Variants in NOX4 observed in about 807,000 individuals in gnomAD.
The protein encoded by NOX4 is kidney oxidase-1.
In NOX4, 69 loss-of-function variants were observed where a neutral mutation model predicts 87.6. That is an observed-to-expected ratio of 0.79 (90% CI 0.65 to 0.96). NOX4 has a LOEUF of 0.96. Among genes scored for constraint, NOX4 ranks in the 40% least tolerant of loss-of-function variants. The probability of loss-of-function intolerance (pLI) is 0.00; values close to 1 mark genes in which losing one functional copy is unlikely to be tolerated. For missense variants in NOX4, 680 were observed against 681.5 expected, an observed-to-expected ratio of 1.00 and a Z score of 0.02; for synonymous variants, 275 against 238.2, an observed-to-expected ratio of 1.15 and a Z score of -1.42.
chr11:89,478,912 C>CTTTGTTTTT (rs1946277038), intron 2 of NOX4, among the ~76,000 whole-genome samples: 2 of 151,532 alleles, frequency 1.3e-5, no homozygotes, highest in Admixed American at 1.3e-4. Context: ...TCACTTGAGC[C>CTTTGTTTTT]AAGGAGTTTA....
At chr11:89,533,430 C>A in the NOX4 span, among the ~76,000 whole-genome samples, 2 of 151,358 alleles carry the variant, frequency 1.3e-5, no homozygotes, top group African/African-American at 4.9e-5. Context: ...ACAGCACAAG[C>A]CAGATGTAAT....
the NOX4 span, among the ~76,000 whole-genome samples, chr11:89,571,828 TC>T: frequency 6.6e-6 from 1 of 151,992 alleles, no homozygotes; most frequent in African/African-American, 2.4e-5. Flanking sequence ...GCTACATACC[TC>T]CCCCACAGGG....
At position 89,326,799 on chromosome 11, in the gene NOX4, G is replaced by C; in HGVS notation, c.1694C>G (p.Ser565Ter). ...ATTGTATTCAAATCTTGTCCCATAT[G>C]AGTTGTTCTGGTTACTCAGTTTATG... ...TLHKLSNQNN[S>*]YGTRFEYNKE... The change falls in exon 18 of 18, where the codon TCA (serine) becomes TGA (stop). Residue 565 changes from serine (S) to a stop codon, truncating the protein, a stop_gained. Coordinates refer to ENST00000263317, the MANE Select transcript of NOX4 (RefSeq NM_016931.5). LOFTEE classifies it high-confidence loss of function. 6.2e-7 allele frequency: 1 copy of C among 1,613,264 alleles called. No individual in the cohort carries two copies. The highest frequency in any genetic ancestry group is 8.5e-7 in the Non-Finnish European group (1 of 1,179,412).
chr11:89,446,247 C>A (rs1944697359), intron 4 of NOX4, among the ~76,000 whole-genome samples: 1 of 152,108 alleles, frequency 6.6e-6, no homozygotes, highest in African/African-American at 2.4e-5. Flanking sequence ...CAGAAACTGT[C>A]ATTCATTGCA....
At chr11:89,535,809 G>A in the NOX4 span, among the ~76,000 whole-genome samples, 2 of 152,072 alleles carry the variant, frequency 1.3e-5, no homozygotes, top group Admixed American at 6.5e-5. Context: ...TAGCCACACT[G>A]TCATAATATA....
At chr11:89,338,689 G>A (rs1945833967) in intron 15 of NOX4, among the ~76,000 whole-genome samples, 1 of 151,964 alleles carries the variant, frequency 6.6e-6, no homozygotes. Context: ...AGGACACCAA[G>A]CATACTGCTG....
chr11:89,386,365 A>G (rs185806311), intron 11 of NOX4, among the ~76,000 whole-genome samples: 101 of 152,282 alleles, frequency 6.6e-4, no homozygotes, highest in African/African-American at 2.4e-3. Context: ...CCTTCAAACC[A>G]TCATAACTGA....
chr11:89,568,628 TGC>T, the NOX4 span, among the ~76,000 whole-genome samples: 1 of 152,336 alleles, frequency 6.6e-6, no homozygotes, highest in East Asian at 1.9e-4. Context: ...ATAGATACAA[TGC>T]TGTTCCTATC....
At chr11:89,418,239 A>G (rs1942887968) in intron 8 of NOX4, among the ~76,000 whole-genome samples, 1 of 151,654 alleles carries the variant, frequency 6.6e-6, no homozygotes, top group South Asian at 2.1e-4. Flanking sequence ...AAGAACATTT[A>G]GTTTGGTGTA....
chr11:89,374,928 G>A (rs1017312343), intron 11 of NOX4, among the ~76,000 whole-genome samples: 2 of 152,138 alleles, frequency 1.3e-5, no homozygotes, highest in African/African-American at 4.8e-5. Flanking sequence ...TTGTAGGGAT[G>A]CTATAAGGAG....
intron 12 of NOX4, among the ~76,000 whole-genome samples, chr11:89,364,105 G>C (rs765881925): frequency 2.6e-5 from 4 of 152,032 alleles, no homozygotes; most frequent in Non-Finnish European, 4.4e-5. Flanking sequence ...AAATTAGCCA[G>C]ATGTGGTGGT....
intron 8 of NOX4, among the ~76,000 whole-genome samples, chr11:89,409,676 A>G (rs531405138): frequency 1.3e-5 from 2 of 152,318 alleles, no homozygotes; most frequent in Middle Eastern, 3.4e-3. Context: ...TAAAAATCCA[A>G]TGAATAAAAA....
chr11:89,435,095 A>G (rs1298792832), intron 6 of NOX4, among the ~76,000 whole-genome samples: 2 of 152,202 alleles, frequency 1.3e-5, no homozygotes, highest in African/African-American at 4.8e-5. Context: ...AAACCAATCA[A>G]ATTGTATACA....
chr11:89,449,423 T>G lies in NOX4; in HGVS notation c.349+17A>C, dbSNP rs1387577765. On this transcript the variant is annotated intron_variant, in intron 4 of 17. Transcript: ENST00000263317. ...TGTAATTCTAACAAATTATTTAATATCTTGTGGCTTTCTCACCTGAGAAAA... is the reference window on the plus strand; with the variant it reads ...TGTAATTCTAACAAATTATTTAATAGCTTGTGGCTTTCTCACCTGAGAAAA... 3 of 1,534,642 alleles carry G rather than the reference T, an allele frequency of 2.0e-6. No homozygotes were observed. The highest frequency in any genetic ancestry group is 2.3e-5 in the East Asian group (1 of 43,976).
chr11:89,417,848 C>T (rs991316214), intron 8 of NOX4, among the ~76,000 whole-genome samples: 1 of 151,942 alleles, frequency 6.6e-6, no homozygotes, highest in Admixed American at 6.6e-5. Context: ...TTTTATTAAT[C>T]CCATTTAATT....
chr11:89,427,175 G>A (rs1943468211), intron 7 of NOX4, among the ~76,000 whole-genome samples: 1 of 152,078 alleles, frequency 6.6e-6, no homozygotes. Flanking sequence ...ACTGTTAGAA[G>A]GAAAACTAAC....
At chr11:89,478,751 C>A (rs968427456) in intron 2 of NOX4, among the ~76,000 whole-genome samples, 1 of 152,160 alleles carries the variant, frequency 6.6e-6, no homozygotes, top group African/African-American at 2.4e-5. Context: ...TAGATCCATT[C>A]TCAGCCCATA....
In NOX4 at chr11:89,440,914, T is replaced by C. The variant is rs533293154; in HGVS notation, c.448-199A>G. Among the ~76,000 whole-genome samples the C allele has an allele frequency of 5.5e-4, 84 of 152,200 alleles. 1 individual carries two copies. The South Asian group carries it at 0.017, about 32-fold the overall frequency. On this transcript the variant is annotated intron_variant, in intron 5 of 17. Transcript: ENST00000263317. ...AGATTACAACAAGTAAAAACCCAAT[T>C]CAGAGAAATCTATCCATCTGAGGCA...
chr11:89,455,744 A>ATATATG (rs1163284365), intron 2 of NOX4, among the ~76,000 whole-genome samples: 10 of 146,948 alleles, frequency 6.8e-5, no homozygotes, highest in African/African-American at 2.6e-4. Context: ...ATATATATAT[A>ATATATG]TGAAACAAAA....
Sources: allele counts gnomAD v4.1 joint callset (sites outside exome capture counted in the v4.1 genomes callset), GRCh38; gene constraint gnomAD v4.1.1; transcripts MANE v1.5; gene names NCBI Gene and HGNC (gene_info 2026-07-23, HGNC 2026-07-21).